Variants in SCNN1D observed in about 807,000 individuals in gnomAD.
SCNN1D encodes epithelial sodium channel subunit delta.
A neutral mutation model predicts 87.8 loss-of-function variants in SCNN1D; 104 were observed. The observed-to-expected ratio is 1.18, with a 90% CI of 1.01 to 1.39. The LOEUF is 1.39. Among genes scored for constraint, SCNN1D ranks in the 40% most tolerant of loss-of-function variants. The pLI is 0.00. For synonymous variants in SCNN1D, 628 were observed against 481.2 expected, an observed-to-expected ratio of 1.31 and a Z score of -3.99; for missense variants, 1,324 against 1,093.9, an observed-to-expected ratio of 1.21 and a Z score of -2.97.
Position 1,285,971 on chromosome 1 carries a change from C to A in SCNN1D, c.604C>A (p.Pro202Thr). The A allele has an allele frequency of 6.4e-7, 1 of 1,558,092 alleles. No homozygotes were observed. The highest frequency in any genetic ancestry group is 8.7e-7 in the Non-Finnish European group (1 of 1,149,976). The change falls in exon 7 of 18, where the codon CCA (proline) becomes ACA (threonine). Residue 202 changes from proline (P) to threonine (T), a missense_variant. Transcript: ENST00000379116. ...PPRPGPPSAP[P>T]PPPKEGHQEG... ...CAGGCCGGGGCCACCATCAGCACCA[C>A]CACCACCACCCAAGGAGGGGCACCA...
intron 1 of SCNN1D, 76 bp from the exon 2 acceptor site, chr1:1,281,150 C>T: frequency 7.2e-7 from 1 of 1,395,640 alleles, no homozygotes; most frequent in Non-Finnish European, 9.8e-7. Context: ...ACGCTCACCC[C>T]AGGGGAGGAA....
At position 1,291,126 on chromosome 1, in the gene SCNN1D, G is replaced by C; in HGVS notation, c.2038G>C (p.Ala680Pro). 6.2e-7 allele frequency: 1 copy of C among 1,612,104 alleles called. No individual in the cohort carries two copies. The highest frequency in any genetic ancestry group is 8.5e-7 in the Non-Finnish European group (1 of 1,179,704). The change falls in exon 17 of 18, where the codon GCG becomes CCG. Residue 680 changes from alanine (A) to proline (P), a missense_variant. By Grantham distance (27) the Ala-to-Pro change is conservative. Coordinates refer to ENST00000379116, the MANE Select transcript of SCNN1D (RefSeq NM_001130413.4). ...QELNYRSVEE[A>P]PVYSVPQLLS... ...GCTCAACTACCGCTCAGTGGAGGAG[G>C]CGCCCGTGTACTCGGTGAGCCTTGG...
At chr1:1,281,108 C>A in intron 1 of SCNN1D, 118 bp from the exon 2 acceptor site, 3 of 988,728 alleles carry the variant, frequency 3.0e-6, no homozygotes, top group Non-Finnish European at 4.5e-6. Context: ...AGAACCGTCC[C>A]AGGGCTGACT....
In SCNN1D at chr1:1,287,315, G is replaced by T. The variant is rs910556; in HGVS notation, c.1310+16G>T. The stretch of plus-strand genomic sequence containing the variant: ...GCCAGGCCCGGTGAGTGTGGCGGGC[G>T]GGGGCCACTCCTTCCGTCCCACCCC... On this transcript the variant is annotated intron_variant, in intron 9 of 17. Coordinates refer to ENST00000379116, the MANE Select transcript of SCNN1D (RefSeq NM_001130413.4). 1.4e-5 allele frequency: 22 copies of T among 1,557,788 alleles called. No individual in the cohort carries two copies. In the East Asian group the frequency reaches 1.6e-4, roughly 11 times the overall value.
intron 12 of SCNN1D, among the ~76,000 whole-genome samples, chr1:1,289,724 G>A (rs1312437527): frequency 5.5e-4 from 1 of 1,810 alleles, no homozygotes; most frequent in Non-Finnish European, 9.3e-4. Flanking sequence ...TCCCTGCTCC[G>A]TCCCCCGTGT....
chr1:1,283,863 G>T (rs1010283538), intron 4 of SCNN1D, 115 bp from the exon 5 acceptor site: 1 of 517,342 alleles, frequency 1.9e-6, no homozygotes, highest in Non-Finnish European at 3.3e-6. Flanking sequence ...AGAGGGATGG[G>T]CATCTCTGTC....
chr1:1,289,669 TCC>T lies in SCNN1D; in HGVS notation c.1663-598_1663-597del, dbSNP rs751926667. ...TGCTCCGTCCCGTGTCCCTGCTCCG[TCC>T]CCCGAGTCTCTGCTCCGTCCCGTGT... On this transcript the variant is annotated intron_variant, in intron 12 of 17. Coordinates refer to ENST00000379116, the MANE Select transcript of SCNN1D (RefSeq NM_001130413.4). Among the ~76,000 whole-genome samples the T allele has an allele frequency of 2.4e-3, 11 of 4,642 alleles. 2 individuals are homozygous for T. Among genetic ancestry groups the T allele is most frequent in the Non-Finnish European group, 3.0e-3 (9 of 2,964 alleles). 3.0% of individuals were successfully genotyped at this position (4,642 alleles called of 152,430 possible). A position where few individuals can be genotyped will look rare whatever the true frequency, so the allele number is the denominator to read the frequency against.
In SCNN1D at chr1:1,281,266, C is replaced by A. The variant is rs1403769946; in HGVS notation, c.46C>A (p.Leu16Met). Residue 16 changes from leucine to methionine, a missense_variant, in exon 2 of 18, where the codon CTG becomes ATG. Coordinates refer to ENST00000379116, the MANE Select transcript of SCNN1D (RefSeq NM_001130413.4). ...SQKTTPLPRY[L>M]WPGHLSGPRR... ...GAAGACAACACCGCTCCCTCGTTAC[C>A]TGTGGCCCGGCCACCTCAGCGGCCC... The A allele has an allele frequency of 2.6e-6, 4 of 1,535,700 alleles. No individual in the cohort carries two copies. The highest frequency in any genetic ancestry group is 3.9e-5 in the Admixed American group (2 of 50,984).
rs753671735 is a variant in SCNN1D, at chr1:1,291,251, CA to C, written c.2053-2del. ...GCCCCTCACACCCGCACCCCACCCG[CA>C]GGTGCCGCAGCTGCTCTCGGCCATG... On this transcript the variant is annotated splice_acceptor_variant, in intron 17 of 17. Coordinates refer to ENST00000379116, the MANE Select transcript of SCNN1D (RefSeq NM_001130413.4). LOFTEE classifies it high-confidence loss of function. The C allele has an allele frequency of 8.3e-6, 13 of 1,557,870 alleles. No individual in the cohort carries two copies. In the South Asian group the frequency reaches 1.5e-4, roughly 18 times the overall value.
rs187479887 is a variant in SCNN1D, at chr1:1,284,808, G to A, written c.464+718G>A. The stretch of plus-strand genomic sequence containing the variant: ...CAGTGTAGTCCTGTCTCACACACAC[G>A]CGCACATGCAGGGTGGGGTCCGGCT... On this transcript the variant is annotated intron_variant, in intron 5 of 17. Transcript: ENST00000379116. 4.7e-3 allele frequency among the ~76,000 whole-genome samples: 720 copies of A among 152,194 alleles called. 8 individuals are homozygous for A. The highest frequency in any genetic ancestry group is 0.014 in the African/African-American group (572 of 41,490).
Position 1,287,831 on chromosome 1 carries a change from C to A in SCNN1D, c.1558C>A (p.Arg520=). The change falls in exon 11 of 18, where the codon CGA becomes AGA. Residue 520 remains arginine (R), a synonymous_variant. Transcript: ENST00000379116. ...RPGTEATISI[R]EDEVHRLGSP... ...AGGGACGGAGGCCACCATCAGCATC[C>A]GAGAGGTGAGCTGGCCTCTGCAGCC... is the stretch of plus-strand genomic sequence containing the variant. 1 of 1,547,580 alleles carries A rather than the reference C, an allele frequency of 6.5e-7. No homozygotes were observed. Among genetic ancestry groups the A allele is most frequent in the South Asian group, 1.2e-5 (1 of 83,672 alleles).
Position 1,280,675 on chromosome 1 carries a change from G to A in SCNN1D, c.5+9G>A, listed in dbSNP as rs566600624. The A allele has an allele frequency of 2.3e-5, 16 of 701,760 alleles. 1 individual carries two copies. The highest frequency in any genetic ancestry group is 1.5e-4 in the South Asian group (10 of 67,556). The allele number at this position is 701,760 out of a possible 1,614,324, so 43.5% of individuals were successfully genotyped here. On this transcript the variant is annotated intron_variant, in intron 1 of 17. Coordinates refer to ENST00000379116, the MANE Select transcript of SCNN1D (RefSeq NM_001130413.4). ...CAGGGAGGAGGCATGAGGTGCGTCC[G>A]ACTCCCTTCCCATCACAGCTGAGCT...
rs373013531 is a variant in SCNN1D, at chr1:1,291,383, C to G, written c.2182C>G (p.Arg728Gly). 21 of 1,608,446 alleles carry G rather than the reference C, an allele frequency of 1.3e-5. No individual in the cohort carries two copies. The highest frequency in any genetic ancestry group is 1.7e-5 in the Non-Finnish European group (20 of 1,178,560). Residue 728 changes from arginine (R) to glycine (G), a missense_variant, in exon 18 of 18, where the codon CGG (arginine) becomes GGG (glycine). Physicochemically the swap from Arg to Gly is moderately radical, Grantham distance 125. Transcript: ENST00000379116. The stretch of plus-strand genomic sequence containing the variant: ...CCTCACCCTGGTGCTAGGCGGCCGC[C>G]GGCTCCGCAGGGCGTGGTTCTCCTG... ...SALTLVLGGR[R>G]LRRAWFSWPR...
At chr1:1,284,316 A>AGGCGTGGG (rs1640538846) in intron 5 of SCNN1D, among the ~76,000 whole-genome samples, 1 of 52,388 alleles carries the variant, frequency 1.9e-5, no homozygotes, top group African/African-American at 7.8e-5. Flanking sequence ...GGTGGGGGGT[A>AGGCGTGGG]GGGGTGGGGG....
At position 1,283,998 on chromosome 1, in the gene SCNN1D, G is replaced by A. The variant is rs1426792772; in HGVS notation, c.372G>A (p.Leu124=). Residue 124 remains leucine, a synonymous_variant, in exon 5 of 18, where the codon CTG becomes CTA. Transcript: ENST00000379116. ...QSRQEARGSI[L]LQSCQLPPQW... ...AATAGGAGGCCAGAGGCTCCATCCT[G>A]CTTCAGAGCTGCCAGCTGCCCCCGC... The A allele has an allele frequency of 1.4e-6, 2 of 1,448,492 alleles. No individual in the cohort carries two copies. The highest frequency in any genetic ancestry group is 5.9e-5 in the Admixed American group (2 of 33,974). 89.7% of individuals were successfully genotyped at this position (1,448,492 alleles called of 1,614,324 possible).
At chr1:1,286,654 C>T (rs982126317) in intron 7 of SCNN1D, 114 bp from the exon 8 acceptor site, 4 of 1,025,508 alleles carry the variant, frequency 3.9e-6, no homozygotes, top group Non-Finnish European at 5.8e-6. Flanking sequence ...CAGCTCACCC[C>T]ACTGGGCGTC....
rs1291473987 is a variant in SCNN1D at position 1,291,688 on chromosome 1, G to A, written c.*78G>A. On this transcript the variant is annotated 3_prime_UTR_variant, in exon 18 of 18. Transcript: ENST00000379116. ...CAGCAGCAGGCTCCCCAGCGGCCCA[G>A]GGTGGGCCAGACCAGCAGCCCAGGA... 2.6e-6 allele frequency: 3 copies of A among 1,160,440 alleles called. No homozygotes were observed. Among genetic ancestry groups the A allele is most frequent in the Non-Finnish European group, 3.6e-6 (3 of 839,760 alleles). 71.9% of individuals were successfully genotyped at this position (1,160,440 alleles called of 1,614,324 possible).
chr1:1,281,455 G>T lies in SCNN1D; in HGVS notation c.122G>T (p.Arg41Leu). The change falls in exon 3 of 18, where the codon CGG becomes CTG. Residue 41 changes from arginine (R) to leucine (L), a missense_variant. Arg to Leu is a moderately radical substitution (Grantham distance 102). Coordinates refer to ENST00000379116, the MANE Select transcript of SCNN1D (RefSeq NM_001130413.4). ...WCSDHRTPTC[R>L]ELGSPHPTPC... Reference sequence around the variant, plus strand: ...AGTGACCACAGGACCCCCACATGCCGGGAGCTGGGTTCGCCCCACCCCACC... The same window carrying T: ...AGTGACCACAGGACCCCCACATGCCTGGAGCTGGGTTCGCCCCACCCCACC... 6.6e-7 allele frequency: 1 copy of T among 1,519,894 alleles called. No individual in the cohort carries two copies. Among genetic ancestry groups the T allele is most frequent in the Non-Finnish European group, 8.8e-7 (1 of 1,138,118 alleles). 94.2% of individuals were successfully genotyped at this position (1,519,894 alleles called of 1,614,324 possible). A position where few individuals can be genotyped will look rare whatever the true frequency, so the allele number is the denominator to read the frequency against.
In SCNN1D at chr1:1,290,967, C is replaced by G; in HGVS notation, c.1976+14C>G. ...CCACAGACAGAGGTGGGTGCACCCT[C>G]CCCCTCCAGAGAGGCATCACAGCCC... On this transcript the variant is annotated intron_variant, in intron 16 of 17. Coordinates refer to ENST00000379116, the MANE Select transcript of SCNN1D (RefSeq NM_001130413.4). The G allele has an allele frequency of 6.2e-7, 1 of 1,602,472 alleles. No individual in the cohort carries two copies. The highest frequency in any genetic ancestry group is 1.1e-5 in the South Asian group (1 of 89,566).
Sources: gnomAD v4.1 joint callset for allele counts (sites outside exome capture counted in the v4.1 genomes callset) on GRCh38, gnomAD v4.1.1 for gene constraint, MANE v1.5 for transcripts, NCBI Gene and HGNC (gene_info 2026-07-23, HGNC 2026-07-21) for gene names.